CSPP1: variants seen among roughly 807,000 people sequenced by gnomAD.
CSPP1 encodes centrosome and spindle pole associated protein 1, also known as centrosome and spindle pole-associated protein 1.
A neutral mutation model predicts 164.4 loss-of-function variants in CSPP1; 126 were observed. That is an observed-to-expected ratio of 0.77 (90% confidence interval 0.66 to 0.89). The LOEUF (loss-of-function observed/expected upper bound fraction) is 0.89. CSPP1 is among the 40% of genes least tolerant of loss of function. The pLI is 0.00. For synonymous variants in CSPP1, 472 were observed against 476.7 expected (o/e 0.99, Z 0.13); for missense variants, 1,395 against 1,449.8 (o/e 0.96, Z 0.61).
intron 1 of CSPP1, among the ~76,000 whole-genome samples, chr8:67,072,190 G>T (rs1806940181): frequency 6.6e-6 from 1 of 152,096 alleles, no homozygotes; most frequent in African/African-American, 2.4e-5. Flanking sequence ...CTGCTCAGGA[G>T]GCTGAGGCAG....
intron 26 of CSPP1, among the ~76,000 whole-genome samples, chr8:67,175,764 C>T (rs1831466845): frequency 6.6e-6 from 1 of 152,206 alleles, no homozygotes; most frequent in African/African-American, 2.4e-5. Context: ...TATCAGTGCC[C>T]TGTCATGATG....
In CSPP1 at chr8:67,086,861, A is replaced by G; in HGVS notation, c.303+751A>G. The stretch of plus-strand genomic sequence containing the variant: ...GGAAAAGAAAGGTAGGGTTGTCTGC[A>G]ATACGTCCTCCTTCAGTTTTTTCTT... On this transcript the variant is annotated intron_variant, in intron 4 of 30. Transcript: ENST00000678616. The G allele has an allele frequency of 2.2e-6, 3 of 1,342,472 alleles. No individual in the cohort carries two copies. The South Asian group carries it at 3.5e-5, about 16-fold the overall frequency. The allele number at this position is 1,342,472 out of a possible 1,614,324, so 83.2% of individuals were successfully genotyped here. A position where few individuals can be genotyped will look rare whatever the true frequency, so the allele number is the denominator to read the frequency against.
chr8:67,196,389 G>GAGTCCATGTGAGTTTTCTAAT lies in CSPP1; in HGVS notation c.*797_*817dup, dbSNP rs1837943301. On this transcript the variant is annotated 3_prime_UTR_variant, in exon 31 of 31. Coordinates refer to ENST00000678616, the MANE Select transcript of CSPP1 (RefSeq NM_001382391.1). ...TTCCACCATGGAACCTTGGATAAGT[G>GAGTCCATGTGAGTTTTCTAAT]AGTCCATGTGAGTTTTCTAATCACT... 1 of 152,156 alleles carries GAGTCCATGTGAGTTTTCTAAT rather than the reference G, an allele frequency of 6.6e-6. No homozygotes were observed. Among genetic ancestry groups the GAGTCCATGTGAGTTTTCTAAT allele is most frequent in the Non-Finnish European group, 1.5e-5 (1 of 68,028 alleles). The allele number at this position is 152,156 out of a possible 1,614,324, so 9.4% of individuals were successfully genotyped here.
At chr8:67,127,440 G>A (rs1218343946) in intron 15 of CSPP1, among the ~76,000 whole-genome samples, 4 of 152,036 alleles carry the variant, frequency 2.6e-5, no homozygotes, top group African/African-American at 9.7e-5. Context: ...TTTTTCTTAA[G>A]TACATTTAAT....
rs1554621539 is a variant in CSPP1, at chr8:67,184,744, T to TAATAATA, written c.3220+4819_3220+4820insATAATAA. 2.3e-3 allele frequency among the ~76,000 whole-genome samples: 321 copies of TAATAATA among 142,506 alleles called. 3 individuals are homozygous for TAATAATA. The South Asian group carries it at 0.025, about 11-fold the overall frequency. 93.5% of individuals were successfully genotyped at this position (142,506 alleles called of 152,430 possible). On this transcript the variant is annotated intron_variant, in intron 28 of 30. Coordinates refer to ENST00000678616, the MANE Select transcript of CSPP1 (RefSeq NM_001382391.1). ...GTCTAAAAAAATAATAATAAAAAAATATAATAATAATAATAATAATAATAA... is the reference window on the plus strand; with the variant it reads ...GTCTAAAAAAATAATAATAAAAAAATAATAATAATAATAATAATAATAATAATAATAA...
chr8:67,156,087 A>G, intron 19 of CSPP1, among the ~76,000 whole-genome samples: 1 of 152,190 alleles, frequency 6.6e-6, no homozygotes, highest in East Asian at 1.9e-4. Flanking sequence ...AGCAGTTCTT[A>G]TCATGGTCTA....
chr8:67,158,575 GA>G lies in CSPP1; in HGVS notation c.2374del (p.Arg792GlufsTer9). 1 of 1,601,592 alleles carries G rather than the reference GA, an allele frequency of 6.2e-7. No individual in the cohort carries two copies. Among genetic ancestry groups the G allele is most frequent in the Non-Finnish European group, 8.5e-7 (1 of 1,173,898 alleles). On this transcript the variant is annotated frameshift_variant, in exon 20 of 31. Coordinates refer to ENST00000678616, the MANE Select transcript of CSPP1 (RefSeq NM_001382391.1). LOFTEE classifies it high-confidence loss of function. ...QQEYEEEQEK[K>X]REKEEEQRLK... is the part of the protein sequence containing the mutation. ...AGGAGTATGAAGAGGAACAGGAAAA[GA>G]AAAGAGAGAAAGAGGAGGAGGTACA...
chr8:67,173,289 A>T (rs1267707491), intron 25 of CSPP1, among the ~76,000 whole-genome samples: 9 of 152,192 alleles, frequency 5.9e-5, no homozygotes. Context: ...AGAAGCTTTG[A>T]TGTAGCCACT....
chr8:67,102,614 A>G (rs1488298334), intron 7 of CSPP1, among the ~76,000 whole-genome samples: 4 of 152,210 alleles, frequency 2.6e-5, no homozygotes, highest in Non-Finnish European at 5.9e-5. Flanking sequence ...TATACGTACA[A>G]TGAAATAATT....
At chr8:67,178,415 G>C (rs1007239106) in intron 27 of CSPP1, among the ~76,000 whole-genome samples, 1 of 152,192 alleles carries the variant, frequency 6.6e-6, no homozygotes, top group African/African-American at 2.4e-5. Flanking sequence ...ACAAGAAACT[G>C]TTCTAGGTGC....
rs1817509109 is a variant in CSPP1 at position 67,114,381 on chromosome 8, G to C, written c.1287+11G>C. 1 of 152,430 alleles carries C rather than the reference G, an allele frequency of 6.6e-6. No individual in the cohort carries two copies. The highest frequency in any genetic ancestry group is 6.6e-5 in the Admixed American group (1 of 15,264). The allele number at this position is 152,430 out of a possible 1,614,324, so 9.4% of individuals were successfully genotyped here. A position where few individuals can be genotyped will look rare whatever the true frequency, so the allele number is the denominator to read the frequency against. ...TTAAGTAAGGAGGAGGTAATTTATT[G>C]TTTTTACCACAATTTATTTTTTCTG... On this transcript the variant is annotated intron_variant, in intron 12 of 30. Transcript: ENST00000678616.
intron 17 of CSPP1, among the ~76,000 whole-genome samples, chr8:67,141,631 C>T (rs1157475045): frequency 6.6e-6 from 1 of 152,208 alleles, no homozygotes; most frequent in African/African-American, 2.4e-5. Flanking sequence ...AAGCAGTTCT[C>T]CTGCCTCAGC....
At chr8:67,068,683 C>T (rs901759503) in intron 1 of CSPP1, among the ~76,000 whole-genome samples, 3 of 152,080 alleles carry the variant, frequency 2.0e-5, no homozygotes, top group Non-Finnish European at 4.4e-5. Flanking sequence ...GAAAAGTGGC[C>T]GTGATATCTA....
intron 2 of CSPP1, among the ~76,000 whole-genome samples, chr8:67,075,077 C>T (rs1807630868): frequency 1.3e-5 from 2 of 152,144 alleles, no homozygotes; most frequent in Non-Finnish European, 2.9e-5. Flanking sequence ...GTGTGCCCGG[C>T]CTAAAATAAT....
chr8:67,146,186 G>C (rs1002589729), intron 17 of CSPP1, among the ~76,000 whole-genome samples: 1 of 148,408 alleles, frequency 6.7e-6, no homozygotes. Flanking sequence ...GCAATGGCAC[G>C]GTCATGCCTC....
intron 22 of CSPP1, among the ~76,000 whole-genome samples, chr8:67,163,485 G>C (rs1472243276): frequency 6.6e-6 from 1 of 151,990 alleles, no homozygotes; most frequent in Admixed American, 6.6e-5. Context: ...ATTCTGTTTG[G>C]GTAGAGGCAA....
chr8:67,097,439 G>T (rs976247627), intron 7 of CSPP1, among the ~76,000 whole-genome samples: 1 of 151,972 alleles, frequency 6.6e-6, no homozygotes, highest in Admixed American at 6.6e-5. Context: ...GAATCTAATT[G>T]TTTATACTTC....
intron 29 of CSPP1, among the ~76,000 whole-genome samples, chr8:67,192,061 G>A (rs1241502620): frequency 6.9e-6 from 1 of 145,802 alleles, no homozygotes; most frequent in African/African-American, 2.5e-5. Flanking sequence ...ATCCTTTGCT[G>A]ATTTGTTTTT....
At chr8:67,069,662 C>CTT (rs1228205792) in intron 1 of CSPP1, among the ~76,000 whole-genome samples, 9 of 124,110 alleles carry the variant, frequency 7.3e-5, no homozygotes, top group African/African-American at 1.2e-4. Context: ...TCTTTTCTTT[C>CTT]TTTTTTTTTT....
Sources: allele counts gnomAD v4.1 joint callset (sites outside exome capture counted in the v4.1 genomes callset), GRCh38; gene constraint gnomAD v4.1.1; transcripts MANE v1.5; gene names NCBI Gene and HGNC (gene_info 2026-07-23, HGNC 2026-07-21).